The following SLCO3A1 variants were observed in gnomAD, a reference collection of about 807,000 sequenced individuals.
The protein encoded by SLCO3A1 is PGE1 transporter.
SLCO3A1 carries 27 observed loss-of-function variants against 63.1 expected under a neutral mutation model. The observed-to-expected ratio is 0.43, with a 90% CI of 0.32 to 0.59. The LOEUF (loss-of-function observed/expected upper bound fraction) is 0.59. Among genes scored for constraint, SLCO3A1 ranks in the 20% least tolerant of loss-of-function variants. The pLI, the probability that SLCO3A1 is intolerant of heterozygous loss-of-function variation, is 0.09. For synonymous variants in SLCO3A1, 473 were observed against 409.9 expected, an observed-to-expected ratio of 1.15 and a Z score of -1.86; for missense variants, 773 against 945.8, an observed-to-expected ratio of 0.82 and a Z score of 2.40.
chr15:91,878,433 G>A (rs1412773896), intron 1 of SLCO3A1, among the ~76,000 whole-genome samples: 1 of 152,120 alleles, frequency 6.6e-6, no homozygotes, highest in Admixed American at 6.5e-5. Flanking sequence ...ACTGTCCTTG[G>A]TAGTAGCCAA....
At chr15:92,020,373 T>G (rs1326806531) in intron 2 of SLCO3A1, among the ~76,000 whole-genome samples, 1 of 152,230 alleles carries the variant, frequency 6.6e-6, no homozygotes, top group Non-Finnish European at 1.5e-5. Context: ...GTCAACTCAA[T>G]GGATTAATAG....
At chr15:91,881,929 C>T (rs564607758) in intron 1 of SLCO3A1, among the ~76,000 whole-genome samples, 10 of 152,254 alleles carry the variant, frequency 6.6e-5, no homozygotes, top group African/African-American at 2.4e-4. Context: ...AGGTCTGGGT[C>T]CCCTCTCTTC....
downstream of SLCO3A1, among the ~76,000 whole-genome samples, chr15:92,167,752 C>A (rs1339647414): frequency 6.6e-6 from 1 of 152,246 alleles, no homozygotes; most frequent in Admixed American, 6.5e-5. Flanking sequence ...CCACCCACGC[C>A]TGCCTCATCA....
intron 4 of SLCO3A1, among the ~76,000 whole-genome samples, chr15:92,117,348 G>C (rs1051673187): frequency 6.6e-6 from 1 of 152,180 alleles, no homozygotes; most frequent in Non-Finnish European, 1.5e-5. Flanking sequence ...GTGACCAAGC[G>C]TGGCTGTGAT....
chr15:91,934,410 A>G (rs1899336255), intron 2 of SLCO3A1, among the ~76,000 whole-genome samples: 1 of 152,350 alleles, frequency 6.6e-6, no homozygotes, highest in Non-Finnish European at 1.5e-5. Flanking sequence ...ACAGAGACCC[A>G]TGGGTCACTG....
Position 91,853,902 on chromosome 15 carries a change from GGGA to G in SLCO3A1, c.-6_-4del, listed in dbSNP as rs1896841917. Reference sequence around the variant, plus strand: ...GCGGCGGCGGCGGCGGCGGCGGCGGGGGAAGGATGCAGGGGAAGAAGCCGGGCG... The same window carrying G: ...GCGGCGGCGGCGGCGGCGGCGGCGGGAGGATGCAGGGGAAGAAGCCGGGCG... On this transcript the variant is annotated 5_prime_UTR_variant, in exon 1 of 10. Transcript: ENST00000318445. The G allele has an allele frequency of 1.7e-5, 23 of 1,376,458 alleles. No homozygotes were observed. Among genetic ancestry groups the G allele is most frequent in the Non-Finnish European group, 1.8e-5 (19 of 1,055,776 alleles). 85.3% of individuals were successfully genotyped at this position (1,376,458 alleles called of 1,614,324 possible). A position where few individuals can be genotyped will look rare whatever the true frequency, so the allele number is the denominator to read the frequency against.
In SLCO3A1 at chr15:92,165,205, G is replaced by C; in HGVS notation, c.*2070G>C. The C allele has an allele frequency of 2.0e-6, 2 of 985,422 alleles. No homozygotes were observed. Among genetic ancestry groups the C allele is most frequent in the Non-Finnish European group, 2.4e-6 (2 of 829,950 alleles). The allele number at this position is 985,422 out of a possible 1,614,324, so 61.0% of individuals were successfully genotyped here. ...CCACCGTGATCAGCTACCTGGGGCA[G>C]GATGCTTCTGAGACAGGCCTTTCAA... On this transcript the variant is annotated 3_prime_UTR_variant, in exon 10 of 10. Coordinates refer to ENST00000318445, the MANE Select transcript of SLCO3A1 (RefSeq NM_013272.4).
At position 92,165,484 on chromosome 15, in the gene SLCO3A1, T is replaced by C; in HGVS notation, c.*2349T>C. 1.0e-6 allele frequency: 1 copy of C among 983,960 alleles called. No homozygotes were observed. The highest frequency in any genetic ancestry group is 1.2e-6 in the Non-Finnish European group (1 of 828,826). 61.0% of individuals were successfully genotyped at this position (983,960 alleles called of 1,614,324 possible). A position where few individuals can be genotyped will look rare whatever the true frequency, so the allele number is the denominator to read the frequency against. ...TGAGGCCCTTTGACCTAGTGTTTTA[T>C]GGAACTATTTGCTTTGAGAGAAAAA... is the stretch of plus-strand genomic sequence containing the variant. On this transcript the variant is annotated 3_prime_UTR_variant, in exon 10 of 10. Coordinates refer to ENST00000318445, the MANE Select transcript of SLCO3A1 (RefSeq NM_013272.4).
chr15:92,016,251 A>AGATAGATAGATGATAGATAGATTGATT (rs1416143953), intron 2 of SLCO3A1, among the ~76,000 whole-genome samples: 200 of 52,192 alleles, frequency 3.8e-3, no homozygotes, highest in African/African-American at 0.024. Context: ...ATAGATAGAT[A>AGATAGATAGATGATAGATAGATTGATT]GATTAGATAG....
intron 1 of SLCO3A1, among the ~76,000 whole-genome samples, chr15:91,889,814 G>T (rs1348328438): frequency 1.3e-5 from 2 of 151,738 alleles, no homozygotes; most frequent in Non-Finnish European, 2.9e-5. Flanking sequence ...TTGTCATTCT[G>T]TGATGTCTAG....
At chr15:92,030,416 G>T (rs903838634) in intron 2 of SLCO3A1, among the ~76,000 whole-genome samples, 1 of 152,140 alleles carries the variant, frequency 6.6e-6, no homozygotes, top group Non-Finnish European at 1.5e-5. Flanking sequence ...GTGGTGGGCT[G>T]GCACAGGCCT....
chr15:91,873,187 A>G (rs1205555781), intron 1 of SLCO3A1, among the ~76,000 whole-genome samples: 1 of 152,186 alleles, frequency 6.6e-6, no homozygotes, highest in Non-Finnish European at 1.5e-5. Flanking sequence ...AAAGTATTCC[A>G]CAGCGCTGAG....
At chr15:91,973,696 C>T (rs1209005927) in intron 2 of SLCO3A1, among the ~76,000 whole-genome samples, 1 of 152,148 alleles carries the variant, frequency 6.6e-6, no homozygotes, top group African/African-American at 2.4e-5. Context: ...GGAAGTGCTA[C>T]TGGCATCTAG....
chr15:92,088,958 G>A (rs1043974975), intron 2 of SLCO3A1, among the ~76,000 whole-genome samples: 78 of 152,006 alleles, frequency 5.1e-4, no homozygotes, highest in Non-Finnish European at 6.2e-4. Context: ...TTCCTGCCAT[G>A]GTAGTGGAAC....
Position 91,862,530 on chromosome 15 carries a change from T to C in SLCO3A1, c.180+8442T>C, listed in dbSNP as rs891945344. 2.0e-5 allele frequency among the ~76,000 whole-genome samples: 3 copies of C among 152,184 alleles called. No homozygotes were observed. The highest frequency in any genetic ancestry group is 1.3e-4 in the Admixed American group (2 of 15,276). ...CACATTTGTTCTGCCAGGTTGTCCT[T>C]TGGGACAACTTTTGGGTGTCTGGAT... On this transcript the variant is annotated intron_variant, in intron 1 of 9. Transcript: ENST00000318445. This position sits in a 1 kb window ranked among gnomAD's most constrained non-coding sequence, Gnocchi z 4.0.
chr15:91,992,977 C>T (rs1381373955), intron 2 of SLCO3A1, among the ~76,000 whole-genome samples: 1 of 152,156 alleles, frequency 6.6e-6, no homozygotes, highest in Non-Finnish European at 1.5e-5. Flanking sequence ...TCTAAGGAAC[C>T]TTGAAGGGAA....
At chr15:91,876,502 C>G (rs1897401915) in intron 1 of SLCO3A1, among the ~76,000 whole-genome samples, 1 of 152,202 alleles carries the variant, frequency 6.6e-6, no homozygotes, top group East Asian at 1.9e-4. Flanking sequence ...GAGCAGGGGT[C>G]AAGCAGGTGT....
At chr15:91,953,569 A>G (rs921916162) in intron 2 of SLCO3A1, among the ~76,000 whole-genome samples, 1 of 152,118 alleles carries the variant, frequency 6.6e-6, no homozygotes, top group Non-Finnish European at 1.5e-5. Context: ...TGGGGCCTGC[A>G]CTCACAGAAC....
chr15:92,097,878 G>A (rs117495036), intron 3 of SLCO3A1: 4,176 of 152,370 alleles, frequency 0.027, 91 homozygotes, highest in Admixed American at 0.048. Flanking sequence ...CCTGCAGGTG[G>A]ATTTGGGCTG....
Sources: allele counts gnomAD v4.1 joint callset (sites outside exome capture counted in the v4.1 genomes callset), GRCh38; gene constraint gnomAD v4.1.1; non-coding constraint Gnocchi (gnomAD v3.1); transcripts MANE v1.5; gene names NCBI Gene and HGNC (gene_info 2026-07-23, HGNC 2026-07-21).